Variants in GABRG3 observed in about 807,000 individuals in gnomAD.
GABRG3 encodes the protein gamma-aminobutyric acid type A receptor subunit gamma3.
Under a neutral mutation model 48.8 loss-of-function variants are expected in GABRG3, and 25 were observed. That is an observed-to-expected ratio of 0.51 (90% confidence interval 0.37 to 0.72). GABRG3 has a LOEUF of 0.72. Ranked by LOEUF, GABRG3 falls within the 30% of genes least tolerant of loss-of-function variation. GABRG3 has a pLI of 0.00. For missense variants in GABRG3, 394 were observed against 577.9 expected (o/e 0.68, Z 3.26); for synonymous variants, 227 against 217.6 (o/e 1.04, Z -0.38).
At chr15:26,998,114 G>GT (rs1411050240) in intron 2 of GABRG3, among the ~76,000 whole-genome samples, 80 of 152,230 alleles carry the variant, frequency 5.3e-4, no homozygotes, top group African/African-American at 1.9e-3. Context: ...CTGATGCCCA[G>GT]TGTTGACTGT....
At chr15:27,196,292 C>A (rs1266395321) in intron 3 of GABRG3, among the ~76,000 whole-genome samples, 1 of 152,118 alleles carries the variant, frequency 6.6e-6, no homozygotes, top group African/African-American at 2.4e-5. Flanking sequence ...ATCACCAAGA[C>A]CTTGCTCCCC....
At chr15:27,487,292 C>A (rs115860483) in intron 6 of GABRG3, among the ~76,000 whole-genome samples, 2,399 of 152,256 alleles carry the variant, frequency 0.016, 25 homozygotes, top group Middle Eastern at 0.044. Flanking sequence ...ATTACTCCTT[C>A]CATGGGACCT....
At chr15:27,097,293 G>A (rs1344798320) in intron 3 of GABRG3, among the ~76,000 whole-genome samples, 1 of 152,080 alleles carries the variant, frequency 6.6e-6, no homozygotes, top group African/African-American at 2.4e-5. Context: ...GATGTTTTGA[G>A]GCAAGAGTAT....
At chr15:27,182,431 G>C (rs1426827102) in intron 3 of GABRG3, among the ~76,000 whole-genome samples, 1 of 152,192 alleles carries the variant, frequency 6.6e-6, no homozygotes, top group East Asian at 1.9e-4. Flanking sequence ...GTACAGGTTT[G>C]GCTGGGCTGT....
At chr15:27,146,357 T>A (rs1183950571) in intron 3 of GABRG3, among the ~76,000 whole-genome samples, 4 of 152,146 alleles carry the variant, frequency 2.6e-5, no homozygotes, top group African/African-American at 9.7e-5. Flanking sequence ...CTCAGGAGGC[T>A]GAGGCAGGAG....
chr15:27,254,233 G>C (rs1334645222), intron 3 of GABRG3, among the ~76,000 whole-genome samples: 1 of 152,162 alleles, frequency 6.6e-6, no homozygotes, highest in Non-Finnish European at 1.5e-5. Context: ...GGGGATGCAG[G>C]CTGGGGAGGA....
At chr15:27,001,978 T>C (rs899032610) in intron 2 of GABRG3, among the ~76,000 whole-genome samples, 1 of 150,494 alleles carries the variant, frequency 6.6e-6, no homozygotes, top group African/African-American at 2.5e-5. Context: ...TATAGTGTGA[T>C]AACTACTGTA....
At chr15:27,524,683 G>A (rs1891233400) in intron 7 of GABRG3, among the ~76,000 whole-genome samples, 3 of 151,860 alleles carry the variant, frequency 2.0e-5, no homozygotes, top group South Asian at 4.2e-4. Context: ...AATACTGGAG[G>A]AACCACTAAA....
chr15:27,393,266 C>T (rs905782603), intron 5 of GABRG3, among the ~76,000 whole-genome samples: 2 of 151,446 alleles, frequency 1.3e-5, no homozygotes, highest in Admixed American at 1.3e-4. Flanking sequence ...ATGGCGTGAA[C>T]CCGGGAGGTG....
intron 2 of GABRG3, among the ~76,000 whole-genome samples, chr15:27,015,526 A>G (rs942141863): frequency 2.0e-5 from 3 of 151,696 alleles, no homozygotes; most frequent in Non-Finnish European, 4.4e-5. Flanking sequence ...CTGGGACTAC[A>G]GGTGCCCACC....
intron 3 of GABRG3, among the ~76,000 whole-genome samples, chr15:27,047,312 G>A (rs1896382318): frequency 6.6e-6 from 1 of 152,142 alleles, no homozygotes; most frequent in South Asian, 2.1e-4. Context: ...ACCCTCGCAG[G>A]TCTCATAATT....
intron 6 of GABRG3, among the ~76,000 whole-genome samples, chr15:27,492,692 T>G (rs1890384678): frequency 6.6e-6 from 1 of 152,248 alleles, no homozygotes; most frequent in African/African-American, 2.4e-5. Flanking sequence ...ATCTATTTGT[T>G]CAAGACATAT....
intron 3 of GABRG3, among the ~76,000 whole-genome samples, chr15:27,231,505 G>T (rs1889800369): frequency 6.6e-6 from 1 of 152,162 alleles, no homozygotes; most frequent in African/African-American, 2.4e-5. Flanking sequence ...GGAGATTTTA[G>T]ACCTGAGGGA....
intron 3 of GABRG3, among the ~76,000 whole-genome samples, chr15:27,191,786 C>T (rs1004256002): frequency 9.9e-5 from 15 of 151,678 alleles, no homozygotes; most frequent in Admixed American, 8.5e-4. Context: ...AGCTGGTTAT[C>T]TTGCTCGCTA....
At chr15:27,479,758 C>T (rs1890051262) in intron 5 of GABRG3, among the ~76,000 whole-genome samples, 1 of 152,186 alleles carries the variant, frequency 6.6e-6, no homozygotes, top group African/African-American at 2.4e-5. Flanking sequence ...TGACATAAGG[C>T]CTAGACCTGT....
At position 27,236,364 on chromosome 15, in the gene GABRG3, A is replaced by G. The variant is rs1298021305; in HGVS notation, c.271-90445A>G. Among the ~76,000 whole-genome samples the G allele has an allele frequency of 6.6e-6, 1 of 152,138 alleles. No individual in the cohort carries two copies. Among genetic ancestry groups the G allele is most frequent in the Admixed American group, 6.5e-5 (1 of 15,272 alleles). Reference sequence around the variant, plus strand: ...AATGCTAAGGTCCCCAGCCCACTGAATGGACCCCCTGACCCACTGTTGGCT... The same window carrying G: ...AATGCTAAGGTCCCCAGCCCACTGAGTGGACCCCCTGACCCACTGTTGGCT... On this transcript the variant is annotated intron_variant, in intron 3 of 9. Transcript: ENST00000615808. This position sits in a 1 kb window ranked among gnomAD's most constrained non-coding sequence, Gnocchi z 4.4.
intron 3 of GABRG3, among the ~76,000 whole-genome samples, chr15:27,281,014 A>G (rs1891415363): frequency 6.6e-6 from 1 of 152,118 alleles, no homozygotes; most frequent in Non-Finnish European, 1.5e-5. Flanking sequence ...CTGTTTATGT[A>G]TATACCTTAA....
At chr15:27,021,999 G>C (rs1895903412) in intron 2 of GABRG3, among the ~76,000 whole-genome samples, 1 of 152,068 alleles carries the variant, frequency 6.6e-6, no homozygotes, top group Admixed American at 6.5e-5. Flanking sequence ...CATGCTCTGG[G>C]GCTCTGTGTA....
chr15:27,399,374 G>A (rs920676570), intron 5 of GABRG3, among the ~76,000 whole-genome samples: 12 of 152,246 alleles, frequency 7.9e-5, no homozygotes, highest in African/African-American at 2.6e-4. Context: ...TTTCTCTGCT[G>A]GACTCAAACC....
Sources: gnomAD v4.1 joint callset for allele counts (sites outside exome capture counted in the v4.1 genomes callset) on GRCh38, gnomAD v4.1.1 for gene constraint, Gnocchi (gnomAD v3.1) non-coding constraint, MANE v1.5 for transcripts, NCBI Gene and HGNC (gene_info 2026-07-23, HGNC 2026-07-21) for gene names.